Variants in ESCO1 observed in about 807,000 individuals in gnomAD.
The protein encoded by ESCO1 is N-acetyltransferase ESCO1.
ESCO1 carries 33 observed loss-of-function variants against 83.5 expected under a neutral mutation model. The ratio of observed to expected loss-of-function variants is 0.40; its 90% confidence interval spans 0.30 to 0.53. ESCO1 has a LOEUF of 0.53. Among genes scored for constraint, ESCO1 ranks in the 20% least tolerant of loss-of-function variants. The pLI, the probability that ESCO1 is intolerant of heterozygous loss-of-function variation, is 0.63. For missense variants in ESCO1, 855 were observed against 968.0 expected, an observed-to-expected ratio of 0.88 and a Z score of 1.55; for synonymous variants, 332 against 324.3, an observed-to-expected ratio of 1.02 and a Z score of -0.25.
chr18:21,532,988 C>G (rs897384899), intron 10 of ESCO1, among the ~76,000 whole-genome samples: 1 of 152,118 alleles, frequency 6.6e-6, no homozygotes, highest in African/African-American at 2.4e-5. Flanking sequence ...CCAATAGGAA[C>G]TGAACATTAG....
At chr18:21,592,238 T>C (rs1316253406) in intron 1 of ESCO1, among the ~76,000 whole-genome samples, 2 of 149,638 alleles carry the variant, frequency 1.3e-5, no homozygotes, top group Non-Finnish European at 1.5e-5. Flanking sequence ...CACTTCCCAG[T>C]AGGGGCGGCC....
rs148637805 is a variant in ESCO1, at chr18:21,545,881, G to T, written c.1954-5872C>A. Among the ~76,000 whole-genome samples the T allele has an allele frequency of 7.2e-3, 1,095 of 152,266 alleles. 22 individuals are homozygous for T. The highest frequency in any genetic ancestry group is 0.025 in the African/African-American group (1,049 of 41,554). ...GGAGGCGGAGGCTGCAGTGAGCAGA[G>T]ATCATGTCACTGCACTCCAGCCTGG... On this transcript the variant is annotated intron_variant, in intron 8 of 11. Transcript: ENST00000269214.
In ESCO1 at chr18:21,536,132, T is replaced by C. The variant is rs1156364579; in HGVS notation, c.2097A>G (p.Pro699=). ...VDNDLGFQQA[P]LMCYSRTKTL... ...TTTTAGTTCTGGAATAGCACATTAG[T>C]GGAGCCTGTTGAAAACCTAAATCAT... The change falls in exon 10 of 12, where the codon CCA becomes CCG. Residue 699 remains proline (P), a synonymous_variant. Coordinates refer to ENST00000269214, the MANE Select transcript of ESCO1 (RefSeq NM_052911.3). 6.2e-7 allele frequency: 1 copy of C among 1,614,140 alleles called. No homozygotes were observed. Among genetic ancestry groups the C allele is most frequent in the African/African-American group, 1.3e-5 (1 of 75,076 alleles).
intron 4 of ESCO1, among the ~76,000 whole-genome samples, chr18:21,568,598 C>CA (rs2038295139): frequency 6.6e-6 from 1 of 152,072 alleles, no homozygotes; most frequent in Admixed American, 6.6e-5. Flanking sequence ...ATAAATCACA[C>CA]CAGATTTTGA....
chr18:21,549,882 G>A (rs1210330894), intron 8 of ESCO1, among the ~76,000 whole-genome samples: 3 of 151,514 alleles, frequency 2.0e-5, no homozygotes, highest in African/African-American at 7.3e-5. Context: ...CACGAGAACT[G>A]CTTGAACCCA....
intron 8 of ESCO1, among the ~76,000 whole-genome samples, chr18:21,544,751 G>T (rs2146179461): frequency 6.6e-6 from 1 of 152,336 alleles, no homozygotes; most frequent in South Asian, 2.1e-4. Flanking sequence ...GAAGGTAGGT[G>T]ATCAGTACAA....
At chr18:21,571,219 ACT>A (rs1172150246) in intron 4 of ESCO1, among the ~76,000 whole-genome samples, 4 of 151,546 alleles carry the variant, frequency 2.6e-5, no homozygotes, top group Admixed American at 6.6e-5. Flanking sequence ...ACAGACTTTC[ACT>A]CTGTCACCCA....
At chr18:21,581,475 G>T (rs1329028213) in intron 2 of ESCO1, among the ~76,000 whole-genome samples, 1 of 151,918 alleles carries the variant, frequency 6.6e-6, no homozygotes, top group Non-Finnish European at 1.5e-5. Context: ...GCTGGGCATG[G>T]TCATGGGCAC....
chr18:21,593,276 G>A (rs1191394030), intron 1 of ESCO1: 7 of 169,318 alleles, frequency 4.1e-5, no homozygotes, highest in Non-Finnish European at 7.7e-5. Context: ...CCGAGATCAC[G>A]CCACTGCACT....
At chr18:21,600,395 C>T (rs572944279) in intron 1 of ESCO1, among the ~76,000 whole-genome samples, 1 of 152,360 alleles carries the variant, frequency 6.6e-6, no homozygotes, top group South Asian at 2.1e-4. Context: ...CGCGGACACG[C>T]GAGCACGTTA....
chr18:21,540,076 A>G (rs924325954), intron 8 of ESCO1, 67 bp from the exon 9 acceptor site: 22 of 1,318,896 alleles, frequency 1.7e-5, no homozygotes, highest in Non-Finnish European at 2.0e-5. Flanking sequence ...TCTATTCATT[A>G]TATCCACGTA....
chr18:21,551,916 G>A (rs1281521777), intron 8 of ESCO1, among the ~76,000 whole-genome samples: 2 of 152,146 alleles, frequency 1.3e-5, no homozygotes, highest in Non-Finnish European at 2.9e-5. Context: ...AAAGAAAAGA[G>A]AAAGCACTCA....
In ESCO1 at chr18:21,586,606, G is replaced by A. The variant is rs950430413; in HGVS notation, c.-824-2166C>T. Among the ~76,000 whole-genome samples the A allele has an allele frequency of 2.6e-5, 4 of 152,136 alleles. No individual in the cohort carries two copies. The East Asian group carries it at 5.8e-4, about 22-fold the overall frequency. On this transcript the variant is annotated intron_variant, in intron 1 of 11. Coordinates refer to ENST00000269214, the MANE Select transcript of ESCO1 (RefSeq NM_052911.3). ...GTACATTGATCTTGTGTCCTGTAAC[G>A]TTGTTAAATTTAATGAGTTCTAATA...
chr18:21,592,500 G>A (rs1418317381), intron 1 of ESCO1, among the ~76,000 whole-genome samples: 8 of 148,906 alleles, frequency 5.4e-5, no homozygotes, highest in Admixed American at 4.0e-4. Context: ...CAGTAGGGGC[G>A]GCCGGGCAGA....
rs143431104 is a variant in ESCO1 at position 21,531,478 on chromosome 18, A to G, written c.2376-988T>C. The stretch of plus-strand genomic sequence containing the variant: ...ACTTGGGAATAAATGTAACAAAAGA[A>G]GCATTAAGACTTGTACACTGAAAAC... On this transcript the variant is annotated intron_variant, in intron 11 of 11. Coordinates refer to ENST00000269214, the MANE Select transcript of ESCO1 (RefSeq NM_052911.3). Among the ~76,000 whole-genome samples, 30 of 152,116 alleles carry G rather than the reference A, an allele frequency of 2.0e-4. No homozygotes were observed. The Middle Eastern group carries it at 0.01, about 52-fold the overall frequency.
At position 21,579,782 on chromosome 18, in the gene ESCO1, A is replaced by ACGCGCG. The variant is rs1303497084; in HGVS notation, c.-693-4006_-693-4005insCGCGCG. 2.3e-3 allele frequency among the ~76,000 whole-genome samples: 107 copies of ACGCGCG among 47,244 alleles called. 2 individuals are homozygous for ACGCGCG. Among genetic ancestry groups the ACGCGCG allele is most frequent in the African/African-American group, 6.3e-3 (101 of 16,128 alleles). 31.0% of individuals were successfully genotyped at this position (47,244 alleles called of 152,430 possible). ...CAGAGCGAGATTCTGACACACACACACACGCGCGCGCGCACACACACACAC... is the reference window on the plus strand; with the variant it reads ...CAGAGCGAGATTCTGACACACACACACGCGCGCACGCGCGCGCGCACACACACACAC... On this transcript the variant is annotated intron_variant, in intron 2 of 11. Transcript: ENST00000269214.
chr18:21,567,442 G>A (rs2038277492), intron 5 of ESCO1, among the ~76,000 whole-genome samples: 2 of 151,890 alleles, frequency 1.3e-5, no homozygotes, highest in Admixed American at 1.3e-4. Context: ...TGCGATTACA[G>A]GCTTGAGCCA....
intron 1 of ESCO1, chr18:21,593,573 G>A (rs1198400200): frequency 8.2e-6 from 1 of 122,508 alleles, no homozygotes; most frequent in Non-Finnish European, 1.6e-5. Flanking sequence ...ATCAGAGGGA[G>A]ACCGTGGAAA....
In ESCO1 at chr18:21,536,066, G is replaced by A. The variant is rs1336641289; in HGVS notation, c.2163C>T (p.Cys721=). Residue 721 remains cysteine (C), a synonymous_variant, in exon 10 of 12, where the codon TGC becomes TGT. Transcript: ENST00000269214. ...FISNDKKVVG[C]LIAEHIQWGY... ...CCCATTGGATATGTTCCGCAATTAG[G>A]CAGCCAACTACTTTTTTGTCATTGG... 6.2e-7 allele frequency: 1 copy of A among 1,613,808 alleles called. No individual in the cohort carries two copies. The highest frequency in any genetic ancestry group is 8.5e-7 in the Non-Finnish European group (1 of 1,179,932).
Sources: allele counts gnomAD v4.1 joint callset (sites outside exome capture counted in the v4.1 genomes callset), GRCh38; gene constraint gnomAD v4.1.1; transcripts MANE v1.5; gene names NCBI Gene and HGNC (gene_info 2026-07-23, HGNC 2026-07-21).